The following PXDN variants were observed in gnomAD, a reference collection of about 807,000 sequenced individuals.
The protein encoded by PXDN is peroxidasin homolog.
In PXDN, 77 loss-of-function variants were observed where a neutral mutation model predicts 140.3. The ratio of observed to expected loss-of-function variants is 0.55; its 90% confidence interval spans 0.46 to 0.66. The LOEUF (loss-of-function observed/expected upper bound fraction) is 0.66. Among genes scored for constraint, PXDN ranks in the 30% least tolerant of loss-of-function variants. The pLI is 0.00. For synonymous variants in PXDN, 911 were observed against 857.4 expected (o/e 1.06, Z -1.09); for missense variants, 1,838 against 2,039.5 (o/e 0.90, Z 1.90).
intron 1 of PXDN, among the ~76,000 whole-genome samples, chr2:1,713,428 T>G (rs1684828098): frequency 6.6e-6 from 1 of 152,180 alleles, no homozygotes; most frequent in African/African-American, 2.4e-5. Context: ...TCAGAGGTCT[T>G]CCTGCCTCCA....
rs1457244691 is a variant in PXDN, at chr2:1,633,489, A to C, written c.*715T>G. ...AGGTGTGGAAGGAGCTGACACACGG[A>C]GAGTCACAGGCTATACAGCTGCTTC... On this transcript the variant is annotated 3_prime_UTR_variant, in exon 23 of 23. Coordinates refer to ENST00000252804, the MANE Select transcript of PXDN (RefSeq NM_012293.3). 1 of 152,042 alleles carries C rather than the reference A, an allele frequency of 6.6e-6. No homozygotes were observed. The highest frequency in any genetic ancestry group is 1.5e-5 in the Non-Finnish European group (1 of 68,046). 9.4% of individuals were successfully genotyped at this position (152,042 alleles called of 1,614,324 possible). A position where few individuals can be genotyped will look rare whatever the true frequency, so the allele number is the denominator to read the frequency against.
chr2:1,680,905 C>T (rs1558506128), intron 6 of PXDN, among the ~76,000 whole-genome samples: 1 of 152,170 alleles, frequency 6.6e-6, no homozygotes, highest in Non-Finnish European at 1.5e-5. Flanking sequence ...TTCCTGAGGT[C>T]CAAGCTGACC....
At chr2:1,658,123 G>C (rs548948480) in intron 14 of PXDN, among the ~76,000 whole-genome samples, 16 of 140,608 alleles carry the variant, frequency 1.1e-4, no homozygotes, top group Non-Finnish European at 2.1e-4. Context: ...TCCACTCTCA[G>C]TGTCTTTTTG....
rs1278255908 is a variant in PXDN, at chr2:1,692,999, T to C, written c.272+64A>G. ...CTGATTGTGGATGATGAGTTCTACC[T>C]ACAGATAAACAATGTAATGATTTCT... On this transcript the variant is annotated intron_variant, in intron 2 of 22. Coordinates refer to ENST00000252804, the MANE Select transcript of PXDN (RefSeq NM_012293.3). The C allele has an allele frequency of 4.2e-6, 6 of 1,422,474 alleles. No individual in the cohort carries two copies. The African/African-American group carries it at 7.1e-5, about 17-fold the overall frequency. The allele number at this position is 1,422,474 out of a possible 1,614,324, so 88.1% of individuals were successfully genotyped here. A position where few individuals can be genotyped will look rare whatever the true frequency, so the allele number is the denominator to read the frequency against.
Position 1,639,251 on chromosome 2 carries a change from C to A in PXDN, c.4073+51G>T. ...GATGCCGGTCCTACTGCCCGACGCC[C>A]GCGGTGCGAGGGCCCCTCTGCACAT... is the stretch of plus-strand genomic sequence containing the variant. On this transcript the variant is annotated intron_variant, in intron 20 of 22. Transcript: ENST00000252804. This position sits in a 1 kb window ranked among gnomAD's most constrained non-coding sequence, Gnocchi z 5.0. 6.3e-7 allele frequency: 1 copy of A among 1,577,144 alleles called. No individual in the cohort carries two copies. The highest frequency in any genetic ancestry group is 1.1e-5 in the South Asian group (1 of 87,036).
intron 14 of PXDN, among the ~76,000 whole-genome samples, chr2:1,657,677 C>G (rs1473673980): frequency 6.6e-6 from 1 of 151,784 alleles, no homozygotes; most frequent in Non-Finnish European, 1.5e-5. Context: ...CTGACAGGGA[C>G]CAGCCCCTCC....
At chr2:1,679,839 G>A (rs536256434) in intron 7 of PXDN, among the ~76,000 whole-genome samples, 49 of 146,736 alleles carry the variant, frequency 3.3e-4, no homozygotes, top group African/African-American at 1.3e-3. Flanking sequence ...TGTGGATGGT[G>A]TGTGTGTGTA....
At chr2:1,699,159 T>C (rs1684362691) in intron 1 of PXDN, among the ~76,000 whole-genome samples, 1 of 152,202 alleles carries the variant, frequency 6.6e-6, no homozygotes, top group South Asian at 2.1e-4. Context: ...AGCTTGGAGA[T>C]CCAAGTTTTA....
chr2:1,692,055 T>G, intron 2 of PXDN, 56 bp from the exon 3 acceptor site: 2 of 1,249,948 alleles, frequency 1.6e-6, no homozygotes, highest in Non-Finnish European at 2.2e-6. Flanking sequence ...AACTTCGAAG[T>G]TGTGTTAAAA....
chr2:1,639,167 G>T lies in PXDN; in HGVS notation c.4073+135C>A. ...ACAGCAGGACGCAGGCTGCGGCCTGGCCCCCAGTGCCCTGGGACGTCCCTG... is the reference window on the plus strand; with the variant it reads ...ACAGCAGGACGCAGGCTGCGGCCTGTCCCCCAGTGCCCTGGGACGTCCCTG... On this transcript the variant is annotated intron_variant, in intron 20 of 22. Transcript: ENST00000252804. The surrounding 1 kb of genome is among the most constrained non-coding windows in gnomAD (Gnocchi z 5.0). The T allele has an allele frequency of 2.7e-6, 4 of 1,478,048 alleles. No homozygotes were observed. In the South Asian group the frequency reaches 5.2e-5, roughly 19 times the overall value. 91.6% of individuals were successfully genotyped at this position (1,478,048 alleles called of 1,614,324 possible).
chr2:1,698,844 C>T (rs535168724), intron 1 of PXDN, among the ~76,000 whole-genome samples: 1 of 152,194 alleles, frequency 6.6e-6, no homozygotes, highest in South Asian at 2.1e-4. Context: ...AACTATTAAG[C>T]ATGAACTATG....
chr2:1,698,682 A>T (rs1457336392), intron 1 of PXDN, among the ~76,000 whole-genome samples: 1 of 152,336 alleles, frequency 6.6e-6, no homozygotes, highest in Non-Finnish European at 1.5e-5. Flanking sequence ...AGGCATTTCA[A>T]GAGGTTAATC....
chr2:1,688,342 G>A (rs1205101587), intron 3 of PXDN, among the ~76,000 whole-genome samples: 3 of 152,160 alleles, frequency 2.0e-5, no homozygotes, highest in Non-Finnish European at 2.9e-5. Flanking sequence ...GCCCACACTC[G>A]CTCACTCCGC....
At chr2:1,663,214 G>A (rs1172761241) in intron 12 of PXDN, among the ~76,000 whole-genome samples, 1 of 152,150 alleles carries the variant, frequency 6.6e-6, no homozygotes, top group Non-Finnish European at 1.5e-5. Context: ...ATCATCTGGG[G>A]TCTGTGCCTT....
At chr2:1,699,540 T>C (rs75759853) in intron 1 of PXDN, among the ~76,000 whole-genome samples, 24,345 of 151,990 alleles carry the variant, frequency 0.16, 3,179 homozygotes, top group East Asian at 0.57. Flanking sequence ...GAAACCCCGT[T>C]TCTATTAAAA....
In PXDN at chr2:1,649,734, G is replaced by A. The variant is rs775204973; in HGVS notation, c.2105-59C>T. Reference sequence around the variant, plus strand: ...TCCCCTGGAGGATGTGTGAGGGCCCGGTACCCCTTGGCACCTCTGCCGCTG... The same window carrying A: ...TCCCCTGGAGGATGTGTGAGGGCCCAGTACCCCTTGGCACCTCTGCCGCTG... On this transcript the variant is annotated intron_variant, in intron 16 of 22. Coordinates refer to ENST00000252804, the MANE Select transcript of PXDN (RefSeq NM_012293.3). The surrounding 1 kb of genome is among the most constrained non-coding windows in gnomAD (Gnocchi z 7.1). The A allele has an allele frequency of 1.5e-4, 243 of 1,574,500 alleles. No individual in the cohort carries two copies. In the East Asian group the frequency reaches 4.0e-3, roughly 26 times the overall value.
In PXDN at chr2:1,648,463, A is replaced by T; in HGVS notation, c.3317T>A (p.Phe1106Tyr). The T allele has an allele frequency of 6.2e-7, 1 of 1,610,684 alleles. No homozygotes were observed. Among genetic ancestry groups the T allele is most frequent in the South Asian group, 1.1e-5 (1 of 91,068 alleles). Residue 1106 changes from phenylalanine to tyrosine, a missense_variant, in exon 17 of 23, where the codon TTC becomes TAC. Transcript: ENST00000252804. The surrounding 1 kb of genome is among the most constrained non-coding windows in gnomAD (Gnocchi z 8.9). ...LPLHKAFFSP[F>Y]RIVNEGGIDP... ...GATGCCGCCCTCATTCACAATCCGG[A>T]AGGGAGAGAAGAAAGCTTTGTGAAG...
rs1682455816 is a variant in PXDN, at chr2:1,633,159, A to G, written c.*1045T>C. The stretch of plus-strand genomic sequence containing the variant: ...CATTTTAAAAATACAAATGAGGTAT[A>G]GGGATTCTTTTTTTTTTTTTTTTTT... On this transcript the variant is annotated 3_prime_UTR_variant, in exon 23 of 23. Transcript: ENST00000252804. The G allele has an allele frequency of 7.5e-6, 1 of 133,152 alleles. No individual in the cohort carries two copies. The highest frequency in any genetic ancestry group is 1.5e-5 in the Non-Finnish European group (1 of 64,736). 8.2% of individuals were successfully genotyped at this position (133,152 alleles called of 1,614,324 possible).
In PXDN at chr2:1,644,839, C is replaced by T. The variant is rs1572119272; in HGVS notation, c.3609-87G>A. On this transcript the variant is annotated intron_variant, in intron 17 of 22. Transcript: ENST00000252804. ...CAAATATAAAAACAGTTCTTTCTTT[C>T]TATCACTATTTTACATTATTTAGAA... 9 of 1,267,302 alleles carry T rather than the reference C, an allele frequency of 7.1e-6. No homozygotes were observed. In the East Asian group the frequency reaches 2.6e-4, roughly 36 times the overall value. 78.5% of individuals were successfully genotyped at this position (1,267,302 alleles called of 1,614,324 possible).
Sources: allele counts gnomAD v4.1 joint callset (sites outside exome capture counted in the v4.1 genomes callset), GRCh38; gene constraint gnomAD v4.1.1; non-coding constraint Gnocchi (gnomAD v3.1); transcripts MANE v1.5; gene names NCBI Gene and HGNC (gene_info 2026-07-23, HGNC 2026-07-21).